Variants in RBFOX2 observed in about 807,000 individuals in gnomAD.
The protein encoded by RBFOX2 is RNA binding protein fox-1 homolog 2.
Under a neutral mutation model 49.1 loss-of-function variants are expected in RBFOX2, and 10 were observed. That is an observed-to-expected ratio of 0.20 (90% CI 0.13 to 0.35). The LOEUF (loss-of-function observed/expected upper bound fraction) is 0.35. Among genes scored for constraint, RBFOX2 ranks in the 10% least tolerant of loss-of-function variants. The pLI, the probability that RBFOX2 is intolerant of heterozygous loss-of-function variation, is 1.00. For missense variants in RBFOX2, 323 were observed against 486.9 expected (o/e 0.66, Z 3.17); for synonymous variants, 183 against 187.4 (o/e 0.98, Z 0.19).
intron 1 of RBFOX2, among the ~76,000 whole-genome samples, chr22:35,832,109 C>A (rs573508498): frequency 3.9e-5 from 6 of 152,194 alleles, no homozygotes; most frequent in Non-Finnish European, 8.8e-5. Context: ...CGATGGCTCA[C>A]GCCAGTAATC....
At chr22:35,872,266 C>T (rs1315912407) in intron 1 of RBFOX2, among the ~76,000 whole-genome samples, 3 of 152,136 alleles carry the variant, frequency 2.0e-5, no homozygotes, top group Admixed American at 2.0e-4. Flanking sequence ...AGTATATAGA[C>T]GGGCAGGCTG....
chr22:35,803,147 AACAC>A lies in RBFOX2; in HGVS notation c.252+6629_252+6632del, dbSNP rs374346895. 5.4e-3 allele frequency among the ~76,000 whole-genome samples: 783 copies of A among 145,806 alleles called. 4 individuals carry two copies. Among genetic ancestry groups the A allele is most frequent in the Non-Finnish European group, 8.7e-3 (574 of 65,854 alleles). On this transcript the variant is annotated intron_variant, in intron 2 of 11. Coordinates refer to ENST00000405409, the Ensembl canonical transcript of RBFOX2. ...GTTTAAGTATGGGCAAATTACTTAAAACACACACACACACACACACACACACACA... is the reference window on the plus strand; with the variant it reads ...GTTTAAGTATGGGCAAATTACTTAAAACACACACACACACACACACACACA...
chr22:35,984,502 T>C (rs1455622493), intron 1 of RBFOX2, among the ~76,000 whole-genome samples: 1 of 152,200 alleles, frequency 6.6e-6, no homozygotes, highest in Non-Finnish European at 1.5e-5. Flanking sequence ...ACATCTGTTA[T>C]ATAATAAAAC....
intron 1 of RBFOX2, among the ~76,000 whole-genome samples, chr22:35,811,164 G>C (rs1250297310): frequency 6.6e-6 from 1 of 152,082 alleles, no homozygotes; most frequent in Non-Finnish European, 1.5e-5. Flanking sequence ...AGAGAATTGG[G>C]GGTGGGGGGC....
At chr22:35,891,908 C>T (rs2047292277) in intron 1 of RBFOX2, among the ~76,000 whole-genome samples, 1 of 151,324 alleles carries the variant, frequency 6.6e-6, no homozygotes, top group Non-Finnish European at 1.5e-5. Flanking sequence ...AGGAGGCAAC[C>T]TTAACAAGGG....
At chr22:35,743,610 G>A (rs1293309965) in exon 12 of RBFOX2, 1 of 152,472 alleles carries the variant, frequency 6.6e-6, no homozygotes, top group African/African-American at 2.4e-5. Context: ...AAGAGGAGAG[G>A]AAAGCGTCTT....
At chr22:35,833,414 T>C (rs914577098) in intron 1 of RBFOX2, among the ~76,000 whole-genome samples, 3 of 152,190 alleles carry the variant, frequency 2.0e-5, no homozygotes, top group Admixed American at 2.0e-4. Flanking sequence ...TTTCTACTTA[T>C]CATGGCCAAC....
At position 35,880,976 on chromosome 22, in the gene RBFOX2, CTT is replaced by C. The variant is rs1180012868; in HGVS notation, c.-34+57869_-34+57870del. ...GTAATATCTAATTAGTTGCATGAAA[CTT>C]TGACAGCTGGGCATGGTGGCTCACG... is the stretch of plus-strand genomic sequence containing the variant. On this transcript the variant is annotated intron_variant, in intron 1 of 13. Transcript: ENST00000359369. Among the ~76,000 whole-genome samples, 12 of 152,232 alleles carry C rather than the reference CTT, an allele frequency of 7.9e-5. No homozygotes were observed. In the East Asian group the frequency reaches 1.9e-3, roughly 25 times the overall value.
At position 35,881,916 on chromosome 22, in the gene RBFOX2, G is replaced by A. The variant is rs1008061396; in HGVS notation, c.-34+56931C>T. On this transcript the variant is annotated intron_variant, in intron 1 of 13. Transcript: ENST00000359369. The stretch of plus-strand genomic sequence containing the variant: ...AGAGGTTGCAGTGAGCCAAGATCAC[G>A]CCACTGCACTCCAGCCTGGACAACA... Among the ~76,000 whole-genome samples, 6 of 136,306 alleles carry A rather than the reference G, an allele frequency of 4.4e-5. No homozygotes were observed. The East Asian group carries it at 9.1e-4, about 21-fold the overall frequency. The allele number at this position is 136,306 out of a possible 152,430, so 89.4% of individuals were successfully genotyped here. A position where few individuals can be genotyped will look rare whatever the true frequency, so the allele number is the denominator to read the frequency against.
chr22:35,972,322 ACT>A (rs2150016625), intron 1 of RBFOX2, among the ~76,000 whole-genome samples: 1 of 152,034 alleles, frequency 6.6e-6, no homozygotes, highest in South Asian at 2.1e-4. Context: ...AAAAAAAGAA[ACT>A]CTGGCATAGT....
chr22:35,799,845 C>T (rs1308971491), intron 2 of RBFOX2, among the ~76,000 whole-genome samples: 1 of 151,884 alleles, frequency 6.6e-6, no homozygotes, highest in African/African-American at 2.4e-5. Context: ...CCCAGCTACT[C>T]GTGGCGGCTG....
chr22:35,875,253 A>AAAAGT (rs2044873285), intron 1 of RBFOX2, among the ~76,000 whole-genome samples: 1 of 152,216 alleles, frequency 6.6e-6, no homozygotes, highest in South Asian at 2.1e-4. Flanking sequence ...AAAGAAACAG[A>AAAAGT]AAAGTAAAGG....
At chr22:35,748,215 C>T (rs960117122) in intron 9 of RBFOX2, 2 of 152,164 alleles carry the variant, frequency 1.3e-5, no homozygotes, top group African/African-American at 4.8e-5. Context: ...AGTGGTTATA[C>T]ATTATTCCTC....
intron 1 of RBFOX2, among the ~76,000 whole-genome samples, chr22:35,988,143 T>C (rs1055756368): frequency 3.9e-5 from 6 of 152,182 alleles, no homozygotes; most frequent in Admixed American, 2.6e-4. Flanking sequence ...ACCTTGGCCT[T>C]TGAACATGAC....
At chr22:35,809,841 C>G in exon 2 of RBFOX2, 1 of 1,614,056 alleles carries the variant, frequency 6.2e-7, no homozygotes, top group Non-Finnish European at 8.5e-7. Context: ...GGCTTGCGTA[C>G]TTCCGTAGAG....
At chr22:35,792,293 G>A in intron 2 of RBFOX2, among the ~76,000 whole-genome samples, 1 of 137,292 alleles carries the variant, frequency 7.3e-6, no homozygotes, top group Admixed American at 7.9e-5. Context: ...TCCAGCCTGG[G>A]TGACAGAATG....
exon 12 of RBFOX2, chr22:35,744,060 ATTCT>A (rs1007345541): frequency 4.9e-5 from 32 of 654,064 alleles, no homozygotes; most frequent in Admixed American, 8.5e-5. Flanking sequence ...ATAAAAAAGT[ATTCT>A]TTCTTTTTTT....
intron 1 of RBFOX2, among the ~76,000 whole-genome samples, chr22:35,881,997 A>C (rs2045970363): frequency 6.6e-6 from 1 of 151,950 alleles, no homozygotes; most frequent in Non-Finnish European, 1.5e-5. Flanking sequence ...AAAAAGAAAA[A>C]AAAAAGAAAT....
chr22:35,793,286 T>C (rs1948137540), intron 2 of RBFOX2, among the ~76,000 whole-genome samples: 2 of 152,144 alleles, frequency 1.3e-5, no homozygotes, highest in South Asian at 4.1e-4. Context: ...GGCAGGAGAA[T>C]CGCTTGAACC....
Sources: gnomAD v4.1 joint callset for allele counts (sites outside exome capture counted in the v4.1 genomes callset) on GRCh38, gnomAD v4.1.1 for gene constraint, MANE v1.5 for transcripts, NCBI Gene and HGNC (gene_info 2026-07-23, HGNC 2026-07-21) for gene names.